Variants in CMTR1 observed in about 807,000 individuals in gnomAD.
The protein encoded by CMTR1 is cap methyltransferase 1.
Under a neutral mutation model 107.0 loss-of-function variants are expected in CMTR1, and 39 were observed. The observed-to-expected ratio is 0.36, with a 90% CI of 0.28 to 0.48. The LOEUF (loss-of-function observed/expected upper bound fraction) is 0.48, where lower values mean the gene tolerates loss of function less well. Among genes scored for constraint, CMTR1 ranks in the 20% least tolerant of loss-of-function variants. The pLI, the probability that CMTR1 is intolerant of heterozygous loss-of-function variation, is 0.99. For synonymous variants in CMTR1, 366 were observed against 379.5 expected (o/e 0.96, Z 0.41); for missense variants, 672 against 1,064.9 (o/e 0.63, Z 5.14).
At position 37,476,173 on chromosome 6, in the gene CMTR1, G is replaced by T; in HGVS notation, c.2084G>T (p.Arg695Leu). 6.2e-7 allele frequency: 1 copy of T among 1,614,052 alleles called. No individual in the cohort carries two copies. Among genetic ancestry groups the T allele is most frequent in the Non-Finnish European group, 8.5e-7 (1 of 1,180,008 alleles). Residue 695 changes from arginine to leucine, a missense_variant, in exon 20 of 24, where the codon CGG (arginine) becomes CTG (leucine). By Grantham distance (102) the Arg-to-Leu change is moderately radical (BLOSUM62 -2). This residue lies in a region of CMTR1 where 583 missense variants were observed against 968.4 expected (regional missense o/e 0.60). Coordinates refer to ENST00000373451, the MANE Select transcript of CMTR1 (RefSeq NM_015050.3). ...KFVKAVSKPS[R>L]PDMNPIRVKE... ...GTGAAAGCCGTTTCCAAGCCTAGTC[G>T]GCCCGACATGAATCCCATCAGGTGA... is the stretch of plus-strand genomic sequence containing the variant.
At chr6:37,470,916 C>T in intron 13 of CMTR1, 105 bp from the exon 14 acceptor site, 1 of 863,876 alleles carries the variant, frequency 1.2e-6, no homozygotes, top group Non-Finnish European at 1.7e-6. Context: ...CCAGCTCCTT[C>T]ACCAAATATA....
rs1419316081 is a variant in CMTR1 at position 37,480,871 on chromosome 6, G to A, written c.*726G>A. 3 of 1,194,494 alleles carry A rather than the reference G, an allele frequency of 2.5e-6. No individual in the cohort carries two copies. The highest frequency in any genetic ancestry group is 3.2e-6 in the Non-Finnish European group (3 of 946,288). The allele number at this position is 1,194,494 out of a possible 1,614,324, so 74.0% of individuals were successfully genotyped here. On this transcript the variant is annotated 3_prime_UTR_variant, in exon 24 of 24. Transcript: ENST00000373451. ...GTATGGAGTTGTAGAGCCATCCTAG[G>A]TGCCATCCCCTTTTGGTCCAAACAT...
In CMTR1 at chr6:37,476,203, G is replaced by A. The variant is rs775564828; in HGVS notation, c.2105+9G>A. 6 of 1,613,972 alleles carry A rather than the reference G, an allele frequency of 3.7e-6. No homozygotes were observed. The highest frequency in any genetic ancestry group is 5.1e-6 in the Non-Finnish European group (6 of 1,179,894). The stretch of plus-strand genomic sequence containing the variant: ...GACATGAATCCCATCAGGTGAGCAT[G>A]TGGTCCCTACCCTCCATGCTTCTTT... On this transcript the variant is annotated intron_variant, in intron 20 of 23. Coordinates refer to ENST00000373451, the MANE Select transcript of CMTR1 (RefSeq NM_015050.3).
At chr6:37,471,417 G>A (rs1217420832) in intron 14 of CMTR1, among the ~76,000 whole-genome samples, 4 of 152,142 alleles carry the variant, frequency 2.6e-5, no homozygotes, top group Admixed American at 6.5e-5. Flanking sequence ...GGAGAGGTAG[G>A]ACTGATCAGA....
At chr6:37,432,735 A>C (rs1277376000), upstream of CMTR1, among the ~76,000 whole-genome samples, 2 of 152,208 alleles carry the variant, frequency 1.3e-5, no homozygotes, top group Non-Finnish European at 2.9e-5. Context: ...TGGCCTGAAA[A>C]TCAGAAGAGA....
chr6:37,430,219 C>A (rs531820857), upstream of CMTR1, among the ~76,000 whole-genome samples: 1 of 152,256 alleles, frequency 6.6e-6, no homozygotes, highest in South Asian at 2.1e-4. Context: ...CATATTCCTG[C>A]CATTTACTTT....
intron 17 of CMTR1, among the ~76,000 whole-genome samples, chr6:37,473,904 G>C (rs1371071235): frequency 6.6e-6 from 1 of 152,152 alleles, no homozygotes; most frequent in African/African-American, 2.4e-5. Flanking sequence ...TATCTGGCTT[G>C]AGCCCAGGCA....
chr6:37,468,026 C>G (rs1761541377), intron 13 of CMTR1, among the ~76,000 whole-genome samples: 1 of 149,806 alleles, frequency 6.7e-6, no homozygotes, highest in Non-Finnish European at 1.5e-5. Flanking sequence ...GCTCTTTGTT[C>G]CTCTCTTCCT....
intron 2 of CMTR1, among the ~76,000 whole-genome samples, chr6:37,437,598 G>A (rs887721958): frequency 6.6e-6 from 1 of 151,366 alleles, no homozygotes; most frequent in African/African-American, 2.4e-5. Flanking sequence ...TGTGGCCCAA[G>A]GACGCCAAAA....
At position 37,458,717 on chromosome 6, in the gene CMTR1, G is replaced by T. The variant is rs1761345505; in HGVS notation, c.883G>T (p.Ala295Ser). The T allele has an allele frequency of 6.2e-7, 1 of 1,614,034 alleles. No individual in the cohort carries two copies. Among genetic ancestry groups the T allele is most frequent in the Admixed American group, 1.7e-5 (1 of 60,012 alleles). The change falls in exon 9 of 24, where the codon GCA (alanine) becomes TCA (serine). Residue 295 changes from alanine to serine, a missense_variant. By Grantham distance (99) the Ala-to-Ser change is moderately conservative. Coordinates refer to ENST00000373451, the MANE Select transcript of CMTR1 (RefSeq NM_015050.3). This position sits in a 1 kb window ranked among gnomAD's most constrained non-coding sequence, Gnocchi z 4.7. ...TGTGCTGTGGAGGAAGAAGTGGCAT[G>T]CAAAGGGCTTTGGAATGACTTTGAA... The part of the protein sequence containing the change: ...EYVLWRKKWH[A>S]KGFGMTLKGP...
rs1191018987 is a variant in CMTR1, at chr6:37,470,152, CT to C, written c.1506-857del. Among the ~76,000 whole-genome samples, 443 of 144,704 alleles carry C rather than the reference CT, an allele frequency of 3.1e-3. 3 individuals carry two copies. Among genetic ancestry groups the C allele is most frequent in the African/African-American group, 5.7e-3 (226 of 39,760 alleles). The allele number at this position is 144,704 out of a possible 152,430, so 94.9% of individuals were successfully genotyped here. On this transcript the variant is annotated intron_variant, in intron 13 of 23. Coordinates refer to ENST00000373451, the MANE Select transcript of CMTR1 (RefSeq NM_015050.3). ...CACCTTTTTATATATGTCATTCACC[CT>C]TTTTTTTTTTTGAGATGGAGTCTTG...
intron 2 of CMTR1, among the ~76,000 whole-genome samples, chr6:37,438,282 A>G (rs1420715705): frequency 6.6e-6 from 1 of 152,060 alleles, no homozygotes; most frequent in African/African-American, 2.4e-5. Context: ...CGGGAGACTG[A>G]GGTGGGAGGA....
At chr6:37,431,898 C>T (rs1771384569), upstream of CMTR1, among the ~76,000 whole-genome samples, 1 of 152,188 alleles carries the variant, frequency 6.6e-6, no homozygotes, top group Admixed American at 6.5e-5. Context: ...TCACTGCAAC[C>T]TCTGCTTCCC....
At chr6:37,432,360 A>G (rs1021788781), upstream of CMTR1, among the ~76,000 whole-genome samples, 3 of 152,230 alleles carry the variant, frequency 2.0e-5, no homozygotes, top group African/African-American at 7.2e-5. Flanking sequence ...GTTGAAAATT[A>G]TAAAAATCAC....
chr6:37,435,792 T>G, intron 2 of CMTR1, 30 bp downstream of exon 2: 2 of 1,553,526 alleles, frequency 1.3e-6, no homozygotes, highest in Non-Finnish European at 1.7e-6. Flanking sequence ...CTGAGGCCAC[T>G]GGCCATCTGG....
intron 18 of CMTR1, among the ~76,000 whole-genome samples, 180 bp from the exon 19 acceptor site, chr6:37,475,141 A>G (rs1007629964): frequency 2.0e-5 from 3 of 152,216 alleles, no homozygotes; most frequent in South Asian, 2.1e-4. Flanking sequence ...CCCTGCTCAG[A>G]AGCCGAGGCC....
Position 37,458,532 on chromosome 6 carries a change from C to T in CMTR1, c.778-80C>T. On this transcript the variant is annotated intron_variant, in intron 8 of 23. Transcript: ENST00000373451. This position sits in a 1 kb window ranked among gnomAD's most constrained non-coding sequence, Gnocchi z 4.7. ...TGTACTTGCCGAAAGGCTTATTTTA[C>T]TCTCCCTGCATTCTCCTTCCTGTTG... 1 of 1,387,364 alleles carries T rather than the reference C, an allele frequency of 7.2e-7. No homozygotes were observed. The allele number at this position is 1,387,364 out of a possible 1,614,324, so 85.9% of individuals were successfully genotyped here. A position where few individuals can be genotyped will look rare whatever the true frequency, so the allele number is the denominator to read the frequency against.
rs999181380 is a variant in CMTR1, at chr6:37,440,752, T to A, written c.134-3247T>A. 2.0e-5 allele frequency among the ~76,000 whole-genome samples: 3 copies of A among 152,348 alleles called. No individual in the cohort carries two copies. The Middle Eastern group carries it at 0.01, about 518-fold the overall frequency. ...TTCCACTCAAATTTGGTTCTCCCTG[T>A]CATTTTTGCCCAGAGATATTCTGAA... On this transcript the variant is annotated intron_variant, in intron 2 of 23. Coordinates refer to ENST00000373451, the MANE Select transcript of CMTR1 (RefSeq NM_015050.3).
rs182838764 is a variant in CMTR1 at position 37,454,906 on chromosome 6, A to G, written c.777+1594A>G. The stretch of plus-strand genomic sequence containing the variant: ...TGGTGTGGTTTTCAGGCCAGCAGAG[A>G]CACTAGAGCAGTCCCCAGCAGAAGA... On this transcript the variant is annotated intron_variant, in intron 8 of 23. Coordinates refer to ENST00000373451, the MANE Select transcript of CMTR1 (RefSeq NM_015050.3). 8.3e-3 allele frequency among the ~76,000 whole-genome samples: 1,265 copies of G among 152,184 alleles called. 14 individuals carry two copies. The highest frequency in any genetic ancestry group is 0.028 in the African/African-American group (1,168 of 41,510).
Sources: allele counts gnomAD v4.1 joint callset (sites outside exome capture counted in the v4.1 genomes callset), GRCh38; gene constraint gnomAD v4.1.1; regional missense constraint gnomAD v4.1.1; non-coding constraint Gnocchi (gnomAD v3.1); transcripts MANE v1.5; gene names NCBI Gene and HGNC (gene_info 2026-07-23, HGNC 2026-07-21).